Variants in TRIM63 observed in about 807,000 individuals in gnomAD.
The protein encoded by TRIM63 is E3 ubiquitin-protein ligase TRIM63.
A neutral mutation model predicts 46.0 loss-of-function variants in TRIM63; 48 were observed. The ratio of observed to expected loss-of-function variants is 1.04; its 90% CI spans 0.83 to 1.33. The LOEUF is 1.33. Among genes scored for constraint, TRIM63 ranks in the 40% most tolerant of loss-of-function variants. The pLI is 0.00. For missense variants in TRIM63, 455 were observed against 441.2 expected (o/e 1.03, Z -0.28); for synonymous variants, 175 against 162.8 (o/e 1.08, Z -0.57).
At chr1:26,054,255 G>T (rs934380133) in intron 7 of TRIM63, among the ~76,000 whole-genome samples, 1 of 152,228 alleles carries the variant, frequency 6.6e-6, no homozygotes, top group Admixed American at 6.5e-5. Context: ...ACCAGAGAGG[G>T]GACTCTGAGG....
intron 2 of TRIM63, among the ~76,000 whole-genome samples, chr1:26,064,166 C>A (rs1468235803): frequency 2.6e-5 from 4 of 152,278 alleles, no homozygotes; most frequent in African/African-American, 7.2e-5. Flanking sequence ...TGTGGTGGTG[C>A]ACGTCTGTAA....
At chr1:26,052,799 G>T (rs1262081100) in intron 8 of TRIM63, among the ~76,000 whole-genome samples, 1 of 152,206 alleles carries the variant, frequency 6.6e-6, no homozygotes, top group South Asian at 2.1e-4. Flanking sequence ...ACTGCCCAGA[G>T]CCAGCACTCT....
At chr1:26,062,367 A>C (rs1429697933) in intron 2 of TRIM63, among the ~76,000 whole-genome samples, 1 of 152,216 alleles carries the variant, frequency 6.6e-6, no homozygotes, top group East Asian at 1.9e-4. Context: ...AACATTCTCC[A>C]TAAGAAAACA....
chr1:26,061,096 T>C, intron 3 of TRIM63, 70 bp downstream of exon 3: 1 of 1,536,210 alleles, frequency 6.5e-7, no homozygotes, highest in Non-Finnish European at 8.9e-7. Context: ...AGGGATCAAA[T>C]CTGCCTCCTG....
intron 5 of TRIM63, 126 bp from the exon 6 acceptor site, chr1:26,057,776 G>T: frequency 1.0e-6 from 1 of 953,670 alleles, no homozygotes; most frequent in Non-Finnish European, 1.5e-6. Flanking sequence ...GTTGTGACCT[G>T]CTCCCCACCC....
intron 7 of TRIM63, among the ~76,000 whole-genome samples, 171 bp from the exon 8 acceptor site, chr1:26,054,135 G>T (rs988663249): frequency 5.3e-5 from 8 of 152,198 alleles, no homozygotes; most frequent in African/African-American, 1.9e-4. Flanking sequence ...CCAGACCCAC[G>T]CTGCACAGAG....
intron 3 of TRIM63, 61 bp downstream of exon 3, chr1:26,061,105 T>G: frequency 6.4e-7 from 1 of 1,567,638 alleles, no homozygotes; most frequent in Non-Finnish European, 8.7e-7. Context: ...ATCTGCCTCC[T>G]GAATCATCAG....
intron 2 of TRIM63, 75 bp downstream of exon 2, chr1:26,066,193 G>A (rs1569749339): frequency 1.3e-6 from 2 of 1,526,284 alleles, no homozygotes; most frequent in African/African-American, 1.4e-5. Context: ...ATGAAGGAGG[G>A]GGAAGGAGCG....
At chr1:26,060,916 G>T (rs1020036855) in intron 3 of TRIM63, among the ~76,000 whole-genome samples, 1 of 152,188 alleles carries the variant, frequency 6.6e-6, no homozygotes, top group African/African-American at 2.4e-5. Context: ...CAGTGGCCTG[G>T]CTGGGGCGTC....
At chr1:26,055,487 C>A (rs1337637539) in intron 7 of TRIM63, among the ~76,000 whole-genome samples, 1 of 151,798 alleles carries the variant, frequency 6.6e-6, no homozygotes, top group African/African-American at 2.4e-5. Flanking sequence ...ACCGTATGAC[C>A]CACTCTTGAA....
chr1:26,065,366 C>A (rs2050666876), intron 2 of TRIM63, among the ~76,000 whole-genome samples: 1 of 152,042 alleles, frequency 6.6e-6, no homozygotes, highest in African/African-American at 2.4e-5. Flanking sequence ...TCACTGTCAC[C>A]CAGGCTGGAG....
chr1:26,052,693 C>G (rs1342750462), intron 8 of TRIM63, among the ~76,000 whole-genome samples: 8 of 151,986 alleles, frequency 5.3e-5, no homozygotes, highest in Admixed American at 5.2e-4. Flanking sequence ...TGTCAAACTC[C>G]TGACCTCAGG....
At position 26,051,894 on chromosome 1, in the gene TRIM63, G is replaced by GA. The variant is rs760753921; in HGVS notation, c.1052-12dup. 2 of 1,316,214 alleles carry GA rather than the reference G, an allele frequency of 1.5e-6. No homozygotes were observed. Among genetic ancestry groups the GA allele is most frequent in the Admixed American group, 6.1e-5 (2 of 32,630 alleles). The allele number at this position is 1,316,214 out of a possible 1,614,324, so 81.5% of individuals were successfully genotyped here. On this transcript the variant is annotated splice_polypyrimidine_tract_variant and intron_variant, in intron 8 of 8. Transcript: ENST00000374272. The stretch of plus-strand genomic sequence containing the variant: ...CTCCTTACTGGTGTCCTGAAATGAA[G>GA]AAAAAGATACAGAGGCAAGGGGTGA...
Position 26,066,446 on chromosome 1 carries a change from G to A in TRIM63, c.160-6C>T. The A allele has an allele frequency of 6.4e-7, 1 of 1,567,380 alleles. No homozygotes were observed. The highest frequency in any genetic ancestry group is 1.2e-5 in the South Asian group (1 of 84,840). On this transcript the variant is annotated splice_polypyrimidine_tract_variant and splice_region_variant and intron_variant, in intron 1 of 8. Transcript: ENST00000374272. ...GTCCAGTAGGGATTTGCAGCCTGCA[G>A]GTGGCAAAGGTCAAGGTGAGGCCTG...
At chr1:26,059,183 T>C (rs767898590) in intron 4 of TRIM63, among the ~76,000 whole-genome samples, 13 of 151,982 alleles carry the variant, frequency 8.6e-5, no homozygotes, top group Non-Finnish European at 2.9e-5. Context: ...CTACCACGCC[T>C]GGCTATTTTT....
intron 7 of TRIM63, among the ~76,000 whole-genome samples, chr1:26,054,474 C>T (rs1339863360): frequency 6.6e-6 from 1 of 152,200 alleles, no homozygotes; most frequent in Non-Finnish European, 1.5e-5. Flanking sequence ...GGAAGCACTT[C>T]TGGAGCCACC....
At position 26,067,483 on chromosome 1, in the gene TRIM63, C is replaced by G. The variant is rs3795690; in HGVS notation, c.12G>C (p.Lys4Asn). ...GATTCCCATCCTGGATCAGGCTCGA[C>G]TTATAATCCATTCTGTGGGAAGGAA... The part of the protein sequence containing the change: MDY[K>N]SSLIQDGNPM... Residue 4 changes from lysine (K) to asparagine (N), a missense_variant, in exon 1 of 9, where the codon AAG (lysine) becomes AAC (asparagine). Physicochemically the swap from Lys to Asn is moderately conservative, Grantham distance 94. Coordinates refer to ENST00000374272, the MANE Select transcript of TRIM63 (RefSeq NM_032588.4). The G allele has an allele frequency of 4.3e-6, 7 of 1,614,020 alleles. No homozygotes were observed. Among genetic ancestry groups the G allele is most frequent in the Non-Finnish European group, 5.9e-6 (7 of 1,180,018 alleles).
chr1:26,056,162 T>G (rs1452434557), intron 7 of TRIM63, among the ~76,000 whole-genome samples: 1 of 152,236 alleles, frequency 6.6e-6, no homozygotes, highest in African/African-American at 2.4e-5. Flanking sequence ...TCTTTCTCTG[T>G]TGCCTTTTAG....
chr1:26,063,468 A>T lies in TRIM63; in HGVS notation c.333-2134T>A, dbSNP rs144417270. Among the ~76,000 whole-genome samples the T allele has an allele frequency of 4.1e-4, 62 of 152,164 alleles. No homozygotes were observed. The East Asian group carries it at 0.012, about 28-fold the overall frequency. ...CCCCTTTCCAGGCTTGTCTTTTTGC[A>T]TAGTTTACCCCAGGGTCCCTATGCT... On this transcript the variant is annotated intron_variant, in intron 2 of 8. Transcript: ENST00000374272.
Sources: allele counts gnomAD v4.1 joint callset (sites outside exome capture counted in the v4.1 genomes callset), GRCh38; gene constraint gnomAD v4.1.1; transcripts MANE v1.5; gene names NCBI Gene and HGNC (gene_info 2026-07-23, HGNC 2026-07-21).